Variants in CZIB observed in about 807,000 individuals in gnomAD.
CZIB encodes UPF0587 protein C1orf123.
Under a neutral mutation model 28.3 loss-of-function variants are expected in CZIB, and 26 were observed. The ratio of observed to expected loss-of-function variants is 0.92; its 90% CI spans 0.67 to 1.27. The LOEUF (loss-of-function observed/expected upper bound fraction) is 1.27, where lower values mean the gene tolerates loss of function less well. Among genes scored for constraint, CZIB ranks in the 50% most tolerant of loss-of-function variants. The pLI, the probability that CZIB is intolerant of heterozygous loss-of-function variation, is 0.00. For synonymous variants in CZIB, 78 were observed against 71.1 expected (o/e 1.10, Z -0.49); for missense variants, 179 against 197.3 (o/e 0.91, Z 0.56).
In CZIB at chr1:53,218,397, C is replaced by T. The variant is rs780171532; in HGVS notation, c.229+17G>A. 48 of 1,613,834 alleles carry T rather than the reference C, an allele frequency of 3.0e-5. No homozygotes were observed. The highest frequency in any genetic ancestry group is 6.7e-5 in the Admixed American group (4 of 60,010). ...TGGGCCACCCTGGCAGAACTCAGTACGCACAGCCTGACCTACCGATGGAAT... is the reference window on the plus strand; with the variant it reads ...TGGGCCACCCTGGCAGAACTCAGTATGCACAGCCTGACCTACCGATGGAAT... On this transcript the variant is annotated intron_variant, in intron 4 of 7. Transcript: ENST00000294360.
chr1:53,219,497 C>G (rs527291080), intron 2 of CZIB: 1 of 154,106 alleles, frequency 6.5e-6, no homozygotes, highest in East Asian at 1.9e-4. Context: ...AGAGAAATGG[C>G]CTCAGCAGGC....
chr1:53,218,522 G>C (rs1645489278), intron 3 of CZIB, 27 bp from the exon 4 acceptor site: 1 of 1,608,724 alleles, frequency 6.2e-7, no homozygotes, highest in South Asian at 1.1e-5. Context: ...AGAACTTTCA[G>C]TCACATATGA....
intron 3 of CZIB, 135 bp from the exon 4 acceptor site, chr1:53,218,630 G>T: frequency 1.1e-6 from 1 of 950,890 alleles, no homozygotes; most frequent in Non-Finnish European, 1.6e-6. Flanking sequence ...CAAGACTCCT[G>T]GGAAGGCTTC....
intron 5 of CZIB, 101 bp downstream of exon 5, chr1:53,218,071 T>C (rs1283805911): frequency 1.2e-5 from 15 of 1,238,260 alleles, no homozygotes; most frequent in East Asian, 2.4e-5. Context: ...GAATGTCCTA[T>C]GGCAGGTCAC....
intron 2 of CZIB, chr1:53,219,621 C>T (rs1305882745): frequency 1.3e-5 from 2 of 152,476 alleles, no homozygotes; most frequent in Non-Finnish European, 2.9e-5. Flanking sequence ...CACTCGATTC[C>T]GCTTCTTCAA....
rs1645456918 is a variant in CZIB at position 53,214,596 on chromosome 1, C to G, written c.*63G>C. Reference sequence around the variant, plus strand: ...GGTCAAAGGAACGAGCCTCTGTGGGCTCTGCTGCTTAGAGTACTTTGTCCT... The same window carrying G: ...GGTCAAAGGAACGAGCCTCTGTGGGGTCTGCTGCTTAGAGTACTTTGTCCT... On this transcript the variant is annotated 3_prime_UTR_variant, in exon 8 of 8. Transcript: ENST00000294360. 1 of 1,445,140 alleles carries G rather than the reference C, an allele frequency of 6.9e-7. No individual in the cohort carries two copies. The highest frequency in any genetic ancestry group is 1.4e-5 in the African/African-American group (1 of 71,494). 89.5% of individuals were successfully genotyped at this position (1,445,140 alleles called of 1,614,324 possible).
At position 53,214,246 on chromosome 1, in the gene CZIB, T is replaced by C. The variant is rs1369168082; in HGVS notation, c.*413A>G. The C allele has an allele frequency of 5.8e-6, 1 of 172,580 alleles. No homozygotes were observed. Among genetic ancestry groups the C allele is most frequent in the Non-Finnish European group, 1.2e-5 (1 of 80,988 alleles). The allele number at this position is 172,580 out of a possible 1,614,324, so 10.7% of individuals were successfully genotyped here. On this transcript the variant is annotated 3_prime_UTR_variant, in exon 8 of 8. Coordinates refer to ENST00000294360, the MANE Select transcript of CZIB (RefSeq NM_017887.3). ...CTAATTCCTAATCCTCACAAAGATCTTTCCAACAGCAAGTTCAGTAAGTTC... is the reference window on the plus strand; with the variant it reads ...CTAATTCCTAATCCTCACAAAGATCCTTCCAACAGCAAGTTCAGTAAGTTC...
rs1645510742 is a variant in CZIB at position 53,220,204 on chromosome 1, G to A, written c.90+57C>T. 5 of 1,445,544 alleles carry A rather than the reference G, an allele frequency of 3.5e-6. No individual in the cohort carries two copies. In the South Asian group the frequency reaches 5.8e-5, roughly 17 times the overall value. The allele number at this position is 1,445,544 out of a possible 1,614,324, so 89.5% of individuals were successfully genotyped here. On this transcript the variant is annotated intron_variant, in intron 2 of 7. Coordinates refer to ENST00000294360, the MANE Select transcript of CZIB (RefSeq NM_017887.3). Reference sequence around the variant, plus strand: ...CTCATACTGCCGGAGAGAAGGCTCCGGTTCAGCACTGAGATCAGGACGGGC... The same window carrying A: ...CTCATACTGCCGGAGAGAAGGCTCCAGTTCAGCACTGAGATCAGGACGGGC...
At position 53,214,563 on chromosome 1, in the gene CZIB, G is replaced by A. The variant is rs920248915; in HGVS notation, c.*96C>T. 9 of 1,015,944 alleles carry A rather than the reference G, an allele frequency of 8.9e-6. No homozygotes were observed. The highest frequency in any genetic ancestry group is 1.6e-5 in the African/African-American group (1 of 63,088). 62.9% of individuals were successfully genotyped at this position (1,015,944 alleles called of 1,614,324 possible). On this transcript the variant is annotated 3_prime_UTR_variant, in exon 8 of 8. Coordinates refer to ENST00000294360, the MANE Select transcript of CZIB (RefSeq NM_017887.3). ...TGTGAAGGTTTCGTATAGCCACCAG[G>A]AGACAAGGGTCAAAGGAACGAGCCT... is the stretch of plus-strand genomic sequence containing the variant.
intron 7 of CZIB, 140 bp from the exon 8 acceptor site, chr1:53,214,876 A>G (rs1219745775): frequency 1.7e-6 from 1 of 602,736 alleles, no homozygotes; most frequent in East Asian, 2.8e-5. Context: ...AGAGCCAGAT[A>G]GCTCAGGCCT....
chr1:53,219,161 C>G (rs937109740), intron 2 of CZIB: 11 of 510,062 alleles, frequency 2.2e-5, no homozygotes, highest in Non-Finnish European at 3.5e-5. Context: ...TCAGTGTGGC[C>G]GGGGATTCAA....
At position 53,220,081 on chromosome 1, in the gene CZIB, T is replaced by G; in HGVS notation, c.90+180A>C. ...ACTACAAAATGAAGCTTTCCAAGAC[T>G]GCCAATTAGAGATAAACCAATACAC... On this transcript the variant is annotated intron_variant, in intron 2 of 7. Coordinates refer to ENST00000294360, the MANE Select transcript of CZIB (RefSeq NM_017887.3). 2 of 596,190 alleles carry G rather than the reference T, an allele frequency of 3.4e-6. 1 individual carries two copies. The highest frequency in any genetic ancestry group is 5.9e-5 in the East Asian group (2 of 33,950). 36.9% of individuals were successfully genotyped at this position (596,190 alleles called of 1,614,324 possible).
chr1:53,219,210 G>A (rs190690820), intron 2 of CZIB: 3 of 425,668 alleles, frequency 7.0e-6, no homozygotes, highest in Admixed American at 4.0e-5. Context: ...CGGAGGTGAG[G>A]GGGGGGAATA....
At chr1:53,214,785 T>C in intron 7 of CZIB, 49 bp from the exon 8 acceptor site, 1 of 1,531,966 alleles carries the variant, frequency 6.5e-7, no homozygotes, top group Non-Finnish European at 9.0e-7. Flanking sequence ...AATGCAGCCA[T>C]GTGGAGAGCA....
At position 53,218,546 on chromosome 1, in the gene CZIB, T is replaced by A. The variant is rs191880219; in HGVS notation, c.148-51A>T. The stretch of plus-strand genomic sequence containing the variant: ...AGTCACATATGAATTAGATGTACAG[T>A]CCTGAGGAGATCGAGCCCACCATTT... On this transcript the variant is annotated intron_variant, in intron 3 of 7. Transcript: ENST00000294360. The A allele has an allele frequency of 3.4e-5, 53 of 1,564,696 alleles. No homozygotes were observed. In the Admixed American group the frequency reaches 6.9e-4, roughly 20 times the overall value.
intron 2 of CZIB, chr1:53,219,983 C>A: frequency 2.3e-6 from 1 of 439,586 alleles, no homozygotes; most frequent in African/African-American, 2.0e-5. Flanking sequence ...ATTAAATAAT[C>A]ACAAGCGTCC....
In CZIB at chr1:53,216,062, G is replaced by C. The variant is rs148032803; in HGVS notation, c.340-6C>G. 599 of 1,614,078 alleles carry C rather than the reference G, an allele frequency of 3.7e-4. 2 individuals are homozygous for C. The African/African-American group carries it at 7.2e-3, about 19-fold the overall frequency. ...CCTTCAGCAGCAAACCCAGCCTGCA[G>C]GGCACAAGAAGGTACCAGTTAGTCT... On this transcript the variant is annotated splice_region_variant and splice_polypyrimidine_tract_variant and intron_variant, in intron 6 of 7. Transcript: ENST00000294360.
Position 53,216,003 on chromosome 1 carries a change from A to G in CZIB, c.393T>C (p.Asn131=). The change falls in exon 7 of 8, where the codon AAT becomes AAC. Residue 131 remains asparagine (N), a synonymous_variant. Coordinates refer to ENST00000294360, the MANE Select transcript of CZIB (RefSeq NM_017887.3). Reference sequence around the variant, plus strand: ...CCAAGTCTCATACCTTCTCCTGCAGATTAATGTCACTGAAGGCTGTCCCTG... The same window carrying G: ...CCAAGTCTCATACCTTCTCCTGCAGGTTAATGTCACTGAAGGCTGTCCCTG... ...VESGTAFSDI[N]LQEKDWTDYD... The G allele has an allele frequency of 6.2e-7, 1 of 1,614,042 alleles. No homozygotes were observed. Among genetic ancestry groups the G allele is most frequent in the Non-Finnish European group, 8.5e-7 (1 of 1,179,914 alleles).
In CZIB at chr1:53,218,905, C is replaced by T; in HGVS notation, c.109G>A (p.Gly37Ser). ...TACTGCCACTTGTCCGAAATCTCAC[C>T]ACAGTTGCCACATTTCATCTTTGGG... ...WYLKMKCGNC[G>S]EISDKWQYIR... is the part of the protein sequence containing the mutation. The change falls in exon 3 of 8, where the codon GGT becomes AGT. Residue 37 changes from glycine (G) to serine (S), a missense_variant. Gly to Ser is a moderately conservative substitution (Grantham distance 56). Coordinates refer to ENST00000294360, the MANE Select transcript of CZIB (RefSeq NM_017887.3). 1 of 1,613,934 alleles carries T rather than the reference C, an allele frequency of 6.2e-7. No homozygotes were observed. Among genetic ancestry groups the T allele is most frequent in the Non-Finnish European group, 8.5e-7 (1 of 1,179,930 alleles).
Sources: allele counts gnomAD v4.1 joint callset, GRCh38; gene constraint gnomAD v4.1.1; transcripts MANE v1.5; gene names NCBI Gene and HGNC (gene_info 2026-07-23, HGNC 2026-07-21).